Variants in TRPC6 observed in about 807,000 individuals in gnomAD.
TRPC6 encodes short transient receptor potential channel 6.
In TRPC6, 55 loss-of-function variants were observed where a neutral mutation model predicts 90.7. The observed-to-expected ratio is 0.61, with a 90% CI of 0.49 to 0.76. The LOEUF is 0.76. Among genes scored for constraint, TRPC6 ranks in the 30% least tolerant of loss-of-function variants. The pLI is 0.00. For missense variants in TRPC6, 989 were observed against 1,122.7 expected (o/e 0.88, Z 1.70); for synonymous variants, 393 against 393.0 (o/e 1.00, Z 0.00).
chr11:101,511,324 T>C (rs1229716606), intron 1 of TRPC6, among the ~76,000 whole-genome samples: 2 of 152,156 alleles, frequency 1.3e-5, no homozygotes, highest in Admixed American at 6.5e-5. Flanking sequence ...GTGGTTTTCC[T>C]TAGTCCTATG....
intron 1 of TRPC6, among the ~76,000 whole-genome samples, chr11:101,511,891 G>A (rs1024233729): frequency 5.9e-5 from 9 of 152,248 alleles, no homozygotes; most frequent in Admixed American, 2.0e-4. Context: ...TACTTGGGAG[G>A]CTGAGGCGAG....
chr11:101,508,244 T>A (rs868342214), intron 1 of TRPC6, among the ~76,000 whole-genome samples: 5 of 152,286 alleles, frequency 3.3e-5, no homozygotes, highest in Middle Eastern at 6.8e-3. Flanking sequence ...GTAGAATTTT[T>A]CCTCGTATAG....
At chr11:101,575,188 C>T (rs1451330744) in intron 1 of TRPC6, among the ~76,000 whole-genome samples, 1 of 152,154 alleles carries the variant, frequency 6.6e-6, no homozygotes, top group African/African-American at 2.4e-5. Flanking sequence ...AGCATAGAAG[C>T]AGTTTTATCC....
At chr11:101,487,341 A>G (rs768151534) in intron 4 of TRPC6, among the ~76,000 whole-genome samples, 4 of 152,158 alleles carry the variant, frequency 2.6e-5, no homozygotes, top group Non-Finnish European at 5.9e-5. Context: ...GACTACCTAC[A>G]TAGATATAAC....
chr11:101,455,690 G>A (rs1858866736), intron 10 of TRPC6: 1 of 152,478 alleles, frequency 6.6e-6, no homozygotes. Flanking sequence ...AAAGCAATCT[G>A]CAATAAAGCA....
At chr11:101,540,868 G>T (rs1011438176) in intron 1 of TRPC6, among the ~76,000 whole-genome samples, 2 of 152,072 alleles carry the variant, frequency 1.3e-5, no homozygotes, top group African/African-American at 4.8e-5. Context: ...GGAGATAAAG[G>T]CACGCAGGAA....
intron 1 of TRPC6, among the ~76,000 whole-genome samples, chr11:101,537,719 T>G (rs757709776): frequency 6.6e-6 from 1 of 152,116 alleles, no homozygotes; most frequent in Non-Finnish European, 1.5e-5. Context: ...TAGAGTATCT[T>G]AAATATGTTA....
intron 1 of TRPC6, among the ~76,000 whole-genome samples, chr11:101,527,311 A>C (rs951540219): frequency 1.3e-5 from 2 of 152,200 alleles, no homozygotes; most frequent in Non-Finnish European, 2.9e-5. Context: ...CTGAAGCTTG[A>C]AAAACAATAC....
In TRPC6 at chr11:101,454,335, A is replaced by T. The variant is rs576811536; in HGVS notation, c.2569-610T>A. On this transcript the variant is annotated intron_variant, in intron 11 of 12. Transcript: ENST00000344327. ...AAATTTTACACCTAAGCCAAGGTTA[A>T]ATGGTAGATAGTAAAACTCTACCTT... Among the ~76,000 whole-genome samples the T allele has an allele frequency of 1.8e-3, 272 of 152,266 alleles. 1 individual carries two copies. The highest frequency in any genetic ancestry group is 4.1e-3 in the South Asian group (20 of 4,828).
Position 101,504,138 on chromosome 11 carries a change from A to G in TRPC6, c.831T>C (p.Tyr277=). 6.2e-7 allele frequency: 1 copy of G among 1,614,140 alleles called. No homozygotes were observed. The change falls in exon 2 of 13, where the codon TAT becomes TAC. Residue 277 remains tyrosine (Y), a synonymous_variant. Transcript: ENST00000344327. The part of the protein sequence containing the change: ...FSHSRSRINA[Y]KGLASPAYLS... ...GGTAAGCCGGACTTGCCAGGCCTTT[A>G]TAGGCATTAATCCTAGATCTGGAGT...
At chr11:101,484,588 T>TCTCA (rs1162900145) in intron 4 of TRPC6, among the ~76,000 whole-genome samples, 1 of 143,350 alleles carries the variant, frequency 7.0e-6, no homozygotes, top group Non-Finnish European at 1.5e-5. Flanking sequence ...TCTCTCTCTC[T>TCTCA]CATGCTATGT....
intron 1 of TRPC6, among the ~76,000 whole-genome samples, chr11:101,544,999 T>A (rs927516023): frequency 6.6e-6 from 1 of 152,154 alleles, no homozygotes; most frequent in African/African-American, 2.4e-5. Context: ...AATAACATTG[T>A]AGGAATTTGT....
chr11:101,507,135 C>T (rs1465471069), intron 1 of TRPC6, among the ~76,000 whole-genome samples: 1 of 151,530 alleles, frequency 6.6e-6, no homozygotes, highest in Admixed American at 6.6e-5. Context: ...TAAAACATGA[C>T]AATGCAAGTG....
Position 101,456,721 on chromosome 11 carries a change from G to A in TRPC6, c.2485-1620C>T, listed in dbSNP as rs549046905. On this transcript the variant is annotated intron_variant, in intron 10 of 12. Transcript: ENST00000344327. ...TATTATCAAAGGCACCAGATTAGGA[G>A]TGGAGGGCACAATCACCCCTGGGTG... 2.6e-5 allele frequency among the ~76,000 whole-genome samples: 4 copies of A among 152,312 alleles called. No individual in the cohort carries two copies. In the South Asian group the frequency reaches 8.3e-4, roughly 32 times the overall value.
At chr11:101,504,848 G>C in intron 1 of TRPC6, 50 bp from the exon 2 acceptor site, 1 of 1,598,032 alleles carries the variant, frequency 6.3e-7, no homozygotes, top group Non-Finnish European at 8.5e-7. Context: ...GAGCATTTTA[G>C]TGTGCCAAAT....
chr11:101,566,765 G>C (rs190048094), intron 1 of TRPC6, among the ~76,000 whole-genome samples: 9 of 152,288 alleles, frequency 5.9e-5, no homozygotes, highest in African/African-American at 1.9e-4. Context: ...CACCTCACCC[G>C]GGAAGTGCAA....
At chr11:101,476,251 T>A in intron 6 of TRPC6, 50 bp downstream of exon 6, 3 of 1,521,828 alleles carry the variant, frequency 2.0e-6, no homozygotes, top group Non-Finnish European at 2.7e-6. Context: ...ACATCTGTTT[T>A]ACAAGAAAAT....
intron 2 of TRPC6, among the ~76,000 whole-genome samples, chr11:101,492,135 A>G (rs1591083537): frequency 6.6e-6 from 1 of 151,624 alleles, no homozygotes; most frequent in Admixed American, 6.6e-5. Flanking sequence ...CACCATGCCC[A>G]GCCGAGAAAC....
At position 101,497,755 on chromosome 11, in the gene TRPC6, T is replaced by C. The variant is rs141181311; in HGVS notation, c.946-6017A>G. Among the ~76,000 whole-genome samples the C allele has an allele frequency of 4.6e-3, 701 of 152,286 alleles. 5 individuals are homozygous for C. The highest frequency in any genetic ancestry group is 0.016 in the African/African-American group (667 of 41,570). Reference sequence around the variant, plus strand: ...TTGCAGAACATGTTGGTTTATTACATAGGTATACATGTGCTATGGTGGTTT... The same window carrying C: ...TTGCAGAACATGTTGGTTTATTACACAGGTATACATGTGCTATGGTGGTTT... On this transcript the variant is annotated intron_variant, in intron 2 of 12. Transcript: ENST00000344327.
Sources: gnomAD v4.1 joint callset for allele counts (sites outside exome capture counted in the v4.1 genomes callset) on GRCh38, gnomAD v4.1.1 for gene constraint, MANE v1.5 for transcripts, NCBI Gene and HGNC (gene_info 2026-07-23, HGNC 2026-07-21) for gene names.